Variants in TSHZ3 observed in about 807,000 individuals in gnomAD.
TSHZ3 encodes teashirt homolog 3.
A neutral mutation model predicts 64.5 loss-of-function variants in TSHZ3; 10 were observed. The observed-to-expected ratio is 0.16, with a 90% CI of 0.10 to 0.26. The LOEUF (loss-of-function observed/expected upper bound fraction) is 0.26. TSHZ3 is among the 10% of genes least tolerant of loss of function. TSHZ3 has a pLI of 1.00. For missense variants in TSHZ3, 1,242 were observed against 1,421.7 expected (o/e 0.87, Z 2.03); for synonymous variants, 608 against 593.1 (o/e 1.03, Z -0.36).
intron 1 of TSHZ3, among the ~76,000 whole-genome samples, chr19:31,268,320 C>T (rs1976084499): frequency 6.6e-6 from 1 of 152,194 alleles, no homozygotes; most frequent in South Asian, 2.1e-4. Flanking sequence ...GCAGTACCCC[C>T]AGGAAACTCT....
intron 5 of TSHZ3, among the ~76,000 whole-genome samples, chr19:31,180,856 G>T (rs1026004234): frequency 3.9e-5 from 6 of 152,100 alleles, no homozygotes; most frequent in African/African-American, 1.4e-4. Flanking sequence ...GCTCACGCTG[G>T]GGCAGGCATG....
At chr19:31,176,514 G>A (rs552154977) in intron 5 of TSHZ3, among the ~76,000 whole-genome samples, 1 of 152,306 alleles carries the variant, frequency 6.6e-6, no homozygotes, top group Admixed American at 6.5e-5. Context: ...ACCACAATGA[G>A]TCCAAGCATG....
intron 1 of TSHZ3, chr19:31,308,581 G>C (rs1165487836): frequency 5.0e-6 from 2 of 398,222 alleles, no homozygotes; most frequent in African/African-American, 4.1e-5. Context: ...AGGTTTCGGA[G>C]CTCTGGGGTT....
chr19:31,173,960 C>T (rs1213314017), intron 5 of TSHZ3, among the ~76,000 whole-genome samples: 2 of 152,088 alleles, frequency 1.3e-5, no homozygotes, highest in East Asian at 1.9e-4. Context: ...CCCAGCTACT[C>T]GGGAGGCTGA....
intron 4 of TSHZ3, among the ~76,000 whole-genome samples, chr19:31,212,609 A>G (rs1392981627): frequency 6.6e-6 from 1 of 152,232 alleles, no homozygotes; most frequent in East Asian, 1.9e-4. Context: ...TGCTTCCAAG[A>G]GTACTGGGGA....
exon 7 of TSHZ3, among the ~76,000 whole-genome samples, chr19:31,150,897 C>A (rs1033766074): frequency 1.3e-5 from 2 of 152,102 alleles, no homozygotes; most frequent in Admixed American, 1.3e-4. Flanking sequence ...CAGGAGCCTG[C>A]CCATCTCAGC....
intron 6 of TSHZ3, among the ~76,000 whole-genome samples, chr19:31,152,958 T>C (rs1043321166): frequency 2.0e-5 from 3 of 152,210 alleles, no homozygotes; most frequent in African/African-American, 7.2e-5. Context: ...ATCAAATATA[T>C]AAATGGATTT....
chr19:31,249,754 C>T (rs1199841916), intron 1 of TSHZ3, among the ~76,000 whole-genome samples: 1 of 152,176 alleles, frequency 6.6e-6, no homozygotes, highest in Non-Finnish European at 1.5e-5. Context: ...AGACAGGCCT[C>T]CGCCCCTCCC....
intron 3 of TSHZ3, among the ~76,000 whole-genome samples, chr19:31,241,491 T>C (rs1023512587): frequency 6.6e-6 from 1 of 152,192 alleles, no homozygotes. Context: ...CTTTAGTCTC[T>C]CTGCTCTACT....
chr19:31,279,769 T>G lies in TSHZ3; in HGVS notation c.41-17A>C, dbSNP rs1029670783. 5 of 1,472,366 alleles carry G rather than the reference T, an allele frequency of 3.4e-6. No homozygotes were observed. Among genetic ancestry groups the G allele is most frequent in the Non-Finnish European group, 4.5e-6 (5 of 1,113,238 alleles). The allele number at this position is 1,472,366 out of a possible 1,614,324, so 91.2% of individuals were successfully genotyped here. A position where few individuals can be genotyped will look rare whatever the true frequency, so the allele number is the denominator to read the frequency against. ...AAACATAGGCTGCCATGATAACAGG[T>G]GGGAAAGAGAGACAGGTAGGATGGA... On this transcript the variant is annotated splice_polypyrimidine_tract_variant and intron_variant, in intron 1 of 1. Coordinates refer to ENST00000240587, the MANE Select transcript of TSHZ3 (RefSeq NM_020856.4). This position sits in a 1 kb window ranked among gnomAD's most constrained non-coding sequence, Gnocchi z 6.4.
At chr19:31,256,852 C>G (rs1245692486) in intron 1 of TSHZ3, among the ~76,000 whole-genome samples, 2 of 152,180 alleles carry the variant, frequency 1.3e-5, no homozygotes, top group African/African-American at 4.8e-5. Flanking sequence ...TGTTCCCTGT[C>G]TCGATCTCCA....
chr19:31,228,625 A>C (rs1006699171), intron 3 of TSHZ3, among the ~76,000 whole-genome samples: 5 of 152,182 alleles, frequency 3.3e-5, no homozygotes, highest in African/African-American at 1.2e-4. Flanking sequence ...TGTTTCAATC[A>C]GAAGCTTAGG....
At chr19:31,222,022 T>C (rs73927312) in intron 4 of TSHZ3, among the ~76,000 whole-genome samples, 2,057 of 152,290 alleles carry the variant, frequency 0.014, 51 homozygotes, top group African/African-American at 0.046. Flanking sequence ...CCTGACAGTG[T>C]ACGTGGTTGA....
At chr19:31,263,462 C>A (rs1001419147) in intron 1 of TSHZ3, among the ~76,000 whole-genome samples, 1 of 152,200 alleles carries the variant, frequency 6.6e-6, no homozygotes, top group African/African-American at 2.4e-5. Flanking sequence ...GCAGCGAGCA[C>A]GAGGAGCTGC....
chr19:31,349,628 A>T, upstream of TSHZ3: 1 of 137,662 alleles, frequency 7.3e-6, no homozygotes. Flanking sequence ...CCGTCCCCAG[A>T]CGAGGTGCGC....
At chr19:31,179,749 ATGGTGGTGG>A (rs764844346) in intron 5 of TSHZ3, among the ~76,000 whole-genome samples, 1 of 123,956 alleles carries the variant, frequency 8.1e-6, no homozygotes, top group African/African-American at 3.1e-5. Context: ...GGTGGTGGTG[ATGGTGGTGG>A]TGATGGTGGG....
chr19:31,254,914 C>T (rs1004981823), intron 1 of TSHZ3, among the ~76,000 whole-genome samples: 1 of 152,214 alleles, frequency 6.6e-6, no homozygotes, highest in Non-Finnish European at 1.5e-5. Flanking sequence ...TAAAAGCTAT[C>T]ACCTGGCCAG....
chr19:31,298,407 A>T (rs1976698434), intron 1 of TSHZ3, among the ~76,000 whole-genome samples: 1 of 152,014 alleles, frequency 6.6e-6, no homozygotes, highest in Admixed American at 6.6e-5. Context: ...ATTAAATCAA[A>T]CTTTTAAATT....
At chr19:31,238,727 G>A (rs952956614) in intron 3 of TSHZ3, among the ~76,000 whole-genome samples, 1 of 151,978 alleles carries the variant, frequency 6.6e-6, no homozygotes, top group African/African-American at 2.4e-5. Flanking sequence ...TACTCTTATT[G>A]TTTGCATTGC....
Sources: allele counts gnomAD v4.1 joint callset (sites outside exome capture counted in the v4.1 genomes callset), GRCh38; gene constraint gnomAD v4.1.1; non-coding constraint Gnocchi (gnomAD v3.1); transcripts MANE v1.5; gene names NCBI Gene and HGNC (gene_info 2026-07-23, HGNC 2026-07-21).